Variants in POFUT3 observed in about 807,000 individuals in gnomAD.
The protein encoded by POFUT3 is GDP-fucose protein O-fucosyltransferase 3.
the POFUT3 span, chr8:33,436,480 C>T: frequency 7.1e-7 from 1 of 1,399,178 alleles, no homozygotes; most frequent in East Asian, 2.3e-5. Context: ...TGAGGTTTTG[C>T]TCTCATTCGT....
At chr8:33,355,212 T>C in the POFUT3 span, among the ~76,000 whole-genome samples, 1 of 152,164 alleles carries the variant, frequency 6.6e-6, no homozygotes, top group Non-Finnish European at 1.5e-5. Flanking sequence ...AGATTATTTA[T>C]ATTCCAATAT....
chr8:33,440,149 G>A, the POFUT3 span, among the ~76,000 whole-genome samples: 3 of 152,038 alleles, frequency 2.0e-5, no homozygotes, highest in East Asian at 5.8e-4. Context: ...GATCACTTGA[G>A]CTCAGGAGTT....
chr8:33,410,979 C>G, the POFUT3 span, among the ~76,000 whole-genome samples: 2 of 152,130 alleles, frequency 1.3e-5, no homozygotes, highest in African/African-American at 4.8e-5. Context: ...TCCTATCATA[C>G]CATCAAGTCC....
chr8:33,379,057 T>G, the POFUT3 span, among the ~76,000 whole-genome samples: 1 of 152,070 alleles, frequency 6.6e-6, no homozygotes, highest in Non-Finnish European at 1.5e-5. Flanking sequence ...ATGGTTTAAA[T>G]GTGTGGCATT....
chr8:33,400,853 T>C, the POFUT3 span, among the ~76,000 whole-genome samples: 1 of 152,220 alleles, frequency 6.6e-6, no homozygotes, highest in South Asian at 2.1e-4. Context: ...TACTATGACC[T>C]CTGAGATTTG....
At chr8:33,323,952 A>G in the POFUT3 span, among the ~76,000 whole-genome samples, 1 of 152,188 alleles carries the variant, frequency 6.6e-6, no homozygotes, top group Non-Finnish European at 1.5e-5. Flanking sequence ...CTCAAGTACA[A>G]TAGACATGTA....
chr8:33,308,668 G>T, the POFUT3 span, among the ~76,000 whole-genome samples: 1 of 152,144 alleles, frequency 6.6e-6, no homozygotes, highest in African/African-American at 2.4e-5. Flanking sequence ...GGAGAAATCT[G>T]TATTTCAATC....
chr8:33,361,489 T>C, the POFUT3 span: 9 of 152,210 alleles, frequency 5.9e-5, no homozygotes, highest in African/African-American at 2.2e-4. Context: ...TGACAGAGAT[T>C]CACGAGGTAA....
the POFUT3 span, among the ~76,000 whole-genome samples, chr8:33,387,955 C>T: frequency 6.6e-6 from 1 of 152,148 alleles, no homozygotes; most frequent in Non-Finnish European, 1.5e-5. Context: ...CTTTTTCTTT[C>T]AACAAATTTC....
chr8:33,323,602 T>C, the POFUT3 span, among the ~76,000 whole-genome samples: 3 of 152,216 alleles, frequency 2.0e-5, no homozygotes, highest in African/African-American at 7.2e-5. Flanking sequence ...CCCTACCACA[T>C]GTGGTGGAAG....
the POFUT3 span, among the ~76,000 whole-genome samples, chr8:33,450,492 T>C: frequency 1.3e-5 from 2 of 152,210 alleles, no homozygotes; most frequent in African/African-American, 2.4e-5. Context: ...ATCTAGGACA[T>C]AGAACTATAT....
At chr8:33,396,809 C>T in the POFUT3 span, among the ~76,000 whole-genome samples, 1 of 152,276 alleles carries the variant, frequency 6.6e-6, no homozygotes, top group African/African-American at 2.4e-5. Flanking sequence ...TCTCCAGTTA[C>T]GTTGTTTGAC....
chr8:33,377,161 G>A, the POFUT3 span, among the ~76,000 whole-genome samples: 4 of 152,024 alleles, frequency 2.6e-5, no homozygotes, highest in African/African-American at 9.7e-5. Context: ...GAAGCTGGGA[G>A]GCGGAGGTTG....
At chr8:33,361,509 T>C in the POFUT3 span, 3 of 152,226 alleles carry the variant, frequency 2.0e-5, no homozygotes, top group Admixed American at 1.3e-4. Flanking sequence ...AATTCTATCA[T>C]ATGAGGCGTC....
At chr8:33,337,015 C>T in the POFUT3 span, among the ~76,000 whole-genome samples, 1 of 152,132 alleles carries the variant, frequency 6.6e-6, no homozygotes, top group African/African-American at 2.4e-5. Context: ...TGCACATTCA[C>T]CAGGAGTGAA....
chr8:33,439,113 CTG>C, the POFUT3 span, among the ~76,000 whole-genome samples: 1 of 152,144 alleles, frequency 6.6e-6, no homozygotes, highest in African/African-American at 2.4e-5. Flanking sequence ...TGAATAGAAA[CTG>C]TGTTTTGCAG....
the POFUT3 span, among the ~76,000 whole-genome samples, chr8:33,342,467 T>TA: frequency 8.2e-4 from 108 of 132,426 alleles, no homozygotes; most frequent in East Asian, 4.9e-3. Context: ...AACTTAACAG[T>TA]AAAAAAAAAA....
At chr8:33,395,913 C>T in the POFUT3 span, among the ~76,000 whole-genome samples, 23 of 152,256 alleles carry the variant, frequency 1.5e-4, no homozygotes, top group Non-Finnish European at 2.9e-4. Context: ...ACAAGTCATC[C>T]CTGTCGCAAG....
the POFUT3 span, among the ~76,000 whole-genome samples, chr8:33,366,605 T>C: frequency 6.6e-6 from 1 of 152,192 alleles, no homozygotes; most frequent in Non-Finnish European, 1.5e-5. Flanking sequence ...ACCACCAATC[T>C]CCTCAGGAAA....
Sources: gnomAD v4.1 joint callset for allele counts (sites outside exome capture counted in the v4.1 genomes callset) on GRCh38, gnomAD v4.1.1 for gene constraint, MANE v1.5 for transcripts, NCBI Gene and HGNC (gene_info 2026-07-23, HGNC 2026-07-21) for gene names.